The following SH3RF1 variants were observed in gnomAD, a reference collection of about 807,000 sequenced individuals.
SH3RF1 encodes SH3 domain containing ring finger 1.
Under a neutral mutation model 74.0 loss-of-function variants are expected in SH3RF1, and 32 were observed. The observed-to-expected ratio is 0.43, with a 90% CI of 0.33 to 0.58. The LOEUF is 0.58. SH3RF1 is among the 20% of genes least tolerant of loss of function. The pLI, the probability that SH3RF1 is intolerant of heterozygous loss-of-function variation, is 0.05. For missense variants in SH3RF1, 954 were observed against 1,130.9 expected (o/e 0.84, Z 2.24); for synonymous variants, 396 against 439.6 (o/e 0.90, Z 1.24).
In SH3RF1 at chr4:169,100,927, A is replaced by C. The variant is rs543446359; in HGVS notation, c.2499-4240T>G. 3.9e-5 allele frequency among the ~76,000 whole-genome samples: 6 copies of C among 152,192 alleles called. No individual in the cohort carries two copies. The South Asian group carries it at 8.3e-4, about 21-fold the overall frequency. ...TCTAGTGGGAGTCTCCTTTGACGCT[A>C]TCTCTCCCACCCATACCCTATCACT... On this transcript the variant is annotated intron_variant, in intron 11 of 11. Coordinates refer to ENST00000284637, the MANE Select transcript of SH3RF1 (RefSeq NM_020870.4).
intron 2 of SH3RF1, among the ~76,000 whole-genome samples, chr4:169,252,583 A>C (rs1731123804): frequency 6.6e-6 from 1 of 152,250 alleles, no homozygotes; most frequent in African/African-American, 2.4e-5. Context: ...TGACCAGGAA[A>C]GTTGGTTTTA....
At chr4:169,139,241 C>T (rs1733746653) in intron 4 of SH3RF1, among the ~76,000 whole-genome samples, 1 of 152,194 alleles carries the variant, frequency 6.6e-6, no homozygotes, top group Non-Finnish European at 1.5e-5. Flanking sequence ...TGTGCCTGGA[C>T]TCTGAGCACC....
intron 2 of SH3RF1, among the ~76,000 whole-genome samples, chr4:169,220,601 T>A (rs1277363833): frequency 6.6e-6 from 1 of 152,208 alleles, no homozygotes; most frequent in Non-Finnish European, 1.5e-5. Context: ...CAATTCCCAA[T>A]CCTGCCCCAC....
intron 2 of SH3RF1, among the ~76,000 whole-genome samples, chr4:169,173,984 T>C (rs950769180): frequency 2.2e-5 from 3 of 136,498 alleles, no homozygotes; most frequent in Non-Finnish European, 3.2e-5. Flanking sequence ...AGTTCTTCAA[T>C]TGTAATTTCC....
intron 8 of SH3RF1, among the ~76,000 whole-genome samples, chr4:169,120,434 A>G (rs911074101): frequency 1.4e-4 from 22 of 152,250 alleles, no homozygotes; most frequent in Non-Finnish European, 2.9e-4. Context: ...TAATGCATTT[A>G]TAAATCTGCC....
rs58449595 is a variant in SH3RF1 at position 169,165,638 on chromosome 4, G to C, written c.394-8959C>G. On this transcript the variant is annotated intron_variant, in intron 2 of 11. Transcript: ENST00000284637. Reference sequence around the variant, plus strand: ...GACTCTGTCTCAGAGAAAAAAAGGCGGGGGGGGGAGTCAGGTAAGGCCTCA... The same window carrying C: ...GACTCTGTCTCAGAGAAAAAAAGGCCGGGGGGGGAGTCAGGTAAGGCCTCA... Among the ~76,000 whole-genome samples the C allele has an allele frequency of 2.7e-4, 27 of 101,400 alleles. No homozygotes were observed. The East Asian group carries it at 5.8e-3, about 22-fold the overall frequency. The allele number at this position is 101,400 out of a possible 152,430, so 66.5% of individuals were successfully genotyped here.
chr4:169,160,777 A>T (rs971074932), intron 2 of SH3RF1, among the ~76,000 whole-genome samples: 3 of 152,234 alleles, frequency 2.0e-5, no homozygotes, highest in African/African-American at 7.2e-5. Flanking sequence ...ACTTATTCCC[A>T]CACAGACTGC....
intron 2 of SH3RF1, among the ~76,000 whole-genome samples, chr4:169,180,232 C>G (rs73863678): frequency 0.012 from 1,796 of 149,662 alleles, 21 homozygotes; most frequent in African/African-American, 0.041. Context: ...AAGGGATTAC[C>G]CACGAAGAAT....
At chr4:169,222,555 A>G (rs1437899459) in intron 2 of SH3RF1, among the ~76,000 whole-genome samples, 1 of 150,500 alleles carries the variant, frequency 6.6e-6, no homozygotes, top group Non-Finnish European at 1.5e-5. Flanking sequence ...TATTTTGACA[A>G]CTTCCTAAGA....
intron 6 of SH3RF1, 135 bp downstream of exon 6, chr4:169,129,911 T>A: frequency 1.4e-6 from 1 of 702,616 alleles, no homozygotes; most frequent in South Asian, 2.0e-5. Context: ...TTAACAGAGA[T>A]AATAGATGAA....
intron 2 of SH3RF1, among the ~76,000 whole-genome samples, chr4:169,179,451 T>C (rs1051942064): frequency 6.6e-6 from 1 of 152,164 alleles, no homozygotes; most frequent in Non-Finnish European, 1.5e-5. Flanking sequence ...TTGTAATCTG[T>C]TACAGCAGCA....
At chr4:169,149,182 T>A (rs1449461704) in intron 4 of SH3RF1, among the ~76,000 whole-genome samples, 5 of 152,102 alleles carry the variant, frequency 3.3e-5, no homozygotes, top group African/African-American at 1.2e-4. Context: ...AAAGAAACTC[T>A]TAAATTAGAA....
At chr4:169,222,230 G>A (rs1441080663) in intron 2 of SH3RF1, among the ~76,000 whole-genome samples, 18 of 152,128 alleles carry the variant, frequency 1.2e-4, no homozygotes, top group African/African-American at 2.4e-4. Flanking sequence ...TTGGGAGGCC[G>A]AGGCAGGTAG....
At chr4:169,169,633 C>T (rs955942244) in intron 2 of SH3RF1, among the ~76,000 whole-genome samples, 3 of 152,046 alleles carry the variant, frequency 2.0e-5, no homozygotes, top group Non-Finnish European at 1.5e-5. Flanking sequence ...AAAACTCAGA[C>T]ATCCATGGAA....
chr4:169,231,014 G>A (rs558800437), intron 2 of SH3RF1, among the ~76,000 whole-genome samples: 50 of 152,208 alleles, frequency 3.3e-4, no homozygotes, highest in African/African-American at 1.1e-3. Context: ...AAAATGTAAC[G>A]AAAAGGCCAC....
chr4:169,269,330 GAA>G, intron 1 of SH3RF1, 23 bp from the exon 2 acceptor site: 4 of 1,122,542 alleles, frequency 3.6e-6, no homozygotes, highest in Non-Finnish European at 3.7e-6. Context: ...GGAAAAGGGG[GAA>G]AAGAGAACAT....
chr4:169,131,701 T>A (rs926929903), intron 5 of SH3RF1, among the ~76,000 whole-genome samples: 34 of 152,230 alleles, frequency 2.2e-4, no homozygotes, highest in Admixed American at 2.1e-3. Context: ...CCACCTTTTC[T>A]GAACCGCAGG....
intron 2 of SH3RF1, among the ~76,000 whole-genome samples, chr4:169,204,796 G>A (rs910860172): frequency 3.9e-5 from 6 of 151,948 alleles, no homozygotes; most frequent in East Asian, 1.9e-4. Flanking sequence ...TGATCCACCC[G>A]CCTCGGCCTC....
At chr4:169,097,486 T>G (rs567344045) in intron 11 of SH3RF1, among the ~76,000 whole-genome samples, 1 of 152,294 alleles carries the variant, frequency 6.6e-6, no homozygotes, top group East Asian at 1.9e-4. Context: ...AGAAGCTTAG[T>G]TGGTTTAATA....
Sources: allele counts gnomAD v4.1 joint callset (sites outside exome capture counted in the v4.1 genomes callset), GRCh38; gene constraint gnomAD v4.1.1; transcripts MANE v1.5; gene names NCBI Gene and HGNC (gene_info 2026-07-23, HGNC 2026-07-21).